The following CAPN13 variants were observed in gnomAD, a reference collection of about 807,000 sequenced individuals.
CAPN13 encodes the protein calpain 13.
In CAPN13, 90 loss-of-function variants were observed where a neutral mutation model predicts 98.4. The observed-to-expected ratio is 0.92, with a 90% confidence interval of 0.77 to 1.09. CAPN13 has a LOEUF of 1.09. Among genes scored for constraint, CAPN13 ranks in the 50% least tolerant of loss-of-function variants. The pLI, the probability that CAPN13 is intolerant of heterozygous loss-of-function variation, is 0.00. For missense variants in CAPN13, 887 were observed against 841.3 expected, an observed-to-expected ratio of 1.05 and a Z score of -0.67; for synonymous variants, 330 against 305.5, an observed-to-expected ratio of 1.08 and a Z score of -0.84.
At chr2:30,802,461 G>GTA (rs1269924674) in intron 1 of CAPN13, among the ~76,000 whole-genome samples, 76 of 127,210 alleles carry the variant, frequency 6.0e-4, no homozygotes, top group African/African-American at 2.3e-3. Context: ...GTGTGTGTGT[G>GTA]TATGTGTGTG....
intron 3 of CAPN13, 63 bp downstream of exon 3, chr2:30,777,504 G>C (rs6548033): frequency 0.21 from 295,138 of 1,419,238 alleles, 32,742 homozygotes; most frequent in South Asian, 0.36. Context: ...AGGACTCTGT[G>C]GGTAAGCACC....
intron 17 of CAPN13, among the ~76,000 whole-genome samples, chr2:30,736,826 G>A (rs1439236384): frequency 6.6e-6 from 1 of 152,228 alleles, no homozygotes; most frequent in East Asian, 1.9e-4. Flanking sequence ...GCATCTGAGG[G>A]AAGAGAGGGG....
intron 13 of CAPN13, 137 bp from the exon 14 acceptor site, chr2:30,742,496 G>C (rs889041621): frequency 2.2e-6 from 2 of 892,156 alleles, no homozygotes; most frequent in African/African-American, 1.7e-5. Flanking sequence ...CGCAGGACAC[G>C]AAGTGAGCAG....
intron 15 of CAPN13, among the ~76,000 whole-genome samples, chr2:30,740,105 T>G (rs921126854): frequency 6.0e-5 from 9 of 149,504 alleles, no homozygotes; most frequent in Non-Finnish European, 1.2e-4. Context: ...TTTTTTTTTT[T>G]TTTTTTTGAG....
At position 30,751,550 on chromosome 2, in the gene CAPN13, A is replaced by G. The variant is rs1158960517; in HGVS notation, c.1088-299T>C. 3.2e-4 allele frequency among the ~76,000 whole-genome samples: 48 copies of G among 152,244 alleles called. 1 individual carries two copies. The highest frequency in any genetic ancestry group is 3.1e-3 in the Admixed American group (48 of 15,286). ...AAGTGAAATTCCAGAGTTCCCAGCT[A>G]CATGTGAGCTTATGCATTGGTGGTA... is the stretch of plus-strand genomic sequence containing the variant. On this transcript the variant is annotated intron_variant, in intron 10 of 22. Coordinates refer to ENST00000295055, the MANE Select transcript of CAPN13 (RefSeq NM_144575.3).
Position 30,731,406 on chromosome 2 carries a change from T to C in CAPN13, c.1928-7A>G. On this transcript the variant is annotated splice_region_variant and splice_polypyrimidine_tract_variant and intron_variant, in intron 20 of 22. Coordinates refer to ENST00000295055, the MANE Select transcript of CAPN13 (RefSeq NM_144575.3). ...GAGAGGTTGCGGAAGGTCTCTAGGA[T>C]AAAGAAGGGAAGGTTTTGACTGACT... 1 of 1,606,280 alleles carries C rather than the reference T, an allele frequency of 6.2e-7. No homozygotes were observed.
At chr2:30,731,222 G>T (rs901823200) in intron 21 of CAPN13, 122 bp downstream of exon 21, 5 of 799,744 alleles carry the variant, frequency 6.3e-6, no homozygotes, top group East Asian at 3.0e-5. Context: ...AGGTTGGGGG[G>T]ACAGCTTGGC....
intron 22 of CAPN13, among the ~76,000 whole-genome samples, chr2:30,726,013 G>A (rs73922686): frequency 0.012 from 1,889 of 152,236 alleles, 36 homozygotes; most frequent in African/African-American, 0.043. Context: ...ACAAATGCTA[G>A]GATGAGAACA....
intron 20 of CAPN13, among the ~76,000 whole-genome samples, chr2:30,731,913 C>T (rs113891233): frequency 1.3e-5 from 2 of 152,146 alleles, no homozygotes; most frequent in Non-Finnish European, 1.5e-5. Context: ...AGGGGTCTGG[C>T]CTCTCTCCTG....
At chr2:30,786,174 G>A (rs1674267201) in intron 2 of CAPN13, among the ~76,000 whole-genome samples, 1 of 152,196 alleles carries the variant, frequency 6.6e-6, no homozygotes, top group Non-Finnish European at 1.5e-5. Flanking sequence ...ACTTTACTCT[G>A]TAACCTACCT....
chr2:30,787,562 A>T (rs1311053448), intron 1 of CAPN13, among the ~76,000 whole-genome samples: 2 of 152,202 alleles, frequency 1.3e-5, no homozygotes, highest in Admixed American at 6.5e-5. Context: ...CTGCTGTACA[A>T]AACAGCTTTC....
intron 4 of CAPN13, 120 bp from the exon 5 acceptor site, chr2:30,770,569 GA>G: frequency 8.1e-7 from 1 of 1,236,360 alleles, no homozygotes; most frequent in Non-Finnish European, 1.1e-6. Flanking sequence ...ACTCTATTCC[GA>G]ACAAAATCCC....
chr2:30,762,719 C>T (rs113558314), intron 7 of CAPN13, among the ~76,000 whole-genome samples: 5,850 of 152,286 alleles, frequency 0.038, 424 homozygotes, highest in African/African-American at 0.13. Flanking sequence ...ATTTAGCTTG[C>T]ATGTAACAAA....
chr2:30,801,109 A>G (rs1367097249), intron 1 of CAPN13, among the ~76,000 whole-genome samples: 1 of 152,216 alleles, frequency 6.6e-6, no homozygotes, highest in Admixed American at 6.5e-5. Context: ...CCGCTGTTTC[A>G]GACGAGTACT....
chr2:30,755,894 C>T (rs6721423), intron 8 of CAPN13, among the ~76,000 whole-genome samples: 10,206 of 152,114 alleles, frequency 0.067, 1,108 homozygotes, highest in African/African-American at 0.23. Context: ...TAAGTGTGTG[C>T]GACTGAAATT....
chr2:30,742,250 AAAG>A (rs1347935281), intron 14 of CAPN13, 73 bp downstream of exon 14: 47 of 1,499,734 alleles, frequency 3.1e-5, no homozygotes, highest in Middle Eastern at 1.8e-4. Flanking sequence ...CGGGAGGTGT[AAAG>A]AAGGAGACGG....
chr2:30,731,543 C>T (rs1671096108), intron 20 of CAPN13, 144 bp from the exon 21 acceptor site: 2 of 648,710 alleles, frequency 3.1e-6, no homozygotes, highest in Non-Finnish European at 5.1e-6. Context: ...GCCTGTCACC[C>T]ATCCTTTTCT....
At chr2:30,753,925 C>G (rs59399836) in intron 9 of CAPN13, among the ~76,000 whole-genome samples, 3 of 151,992 alleles carry the variant, frequency 2.0e-5, no homozygotes, top group Non-Finnish European at 4.4e-5. Context: ...TGACGTCATG[C>G]TAGAGGAAAC....
At chr2:30,760,785 G>T (rs569456961) in intron 7 of CAPN13, among the ~76,000 whole-genome samples, 3 of 152,160 alleles carry the variant, frequency 2.0e-5, no homozygotes, top group Non-Finnish European at 2.9e-5. Context: ...GCCTTGGTCT[G>T]GGGGAGCAGG....
Sources: gnomAD v4.1 joint callset for allele counts (sites outside exome capture counted in the v4.1 genomes callset) on GRCh38, gnomAD v4.1.1 for gene constraint, MANE v1.5 for transcripts, NCBI Gene and HGNC (gene_info 2026-07-23, HGNC 2026-07-21) for gene names.